Variants in PRAME observed in about 807,000 individuals in gnomAD.
The protein encoded by PRAME is PRAME nuclear receptor transcriptional regulator, also known as melanoma antigen preferentially expressed in tumors.
In PRAME, 21 loss-of-function variants were observed where a neutral mutation model predicts 32.1. That is an observed-to-expected ratio of 0.65 (90% CI 0.46 to 0.94). PRAME has a LOEUF of 0.94. Ranked by LOEUF, PRAME falls within the 40% of genes least tolerant of loss-of-function variation. The pLI is 0.00. For missense variants in PRAME, 651 were observed against 622.3 expected, an observed-to-expected ratio of 1.05 and a Z score of -0.49; for synonymous variants, 274 against 251.5, an observed-to-expected ratio of 1.09 and a Z score of -0.85.
chr22:22,552,290 C>G (rs187466746), intron 3 of PRAME, among the ~76,000 whole-genome samples: 1,853 of 149,562 alleles, frequency 0.012, 19 homozygotes, highest in Non-Finnish European at 0.018. Context: ...TAAAAAAAAG[C>G]CTAACTAGTA....
chr22:22,548,506 A>C lies in PRAME; in HGVS notation c.1091T>G (p.Val364Gly). The C allele has an allele frequency of 6.2e-7, 1 of 1,613,750 alleles. No individual in the cohort carries two copies. The highest frequency in any genetic ancestry group is 1.1e-5 in the South Asian group (1 of 91,070). ...CAGAGCTTGGAGGGGCTCGGGACTTACATCGGTCAGCATGACCCCACTTAG... is the reference window on the plus strand; with the variant it reads ...CAGAGCTTGGAGGGGCTCGGGACTTCCATCGGTCAGCATGACCCCACTTAG... The part of the protein sequence containing the change: ...LSLSGVMLTD[V>G]SPEPLQALLE... Residue 364 changes from valine to glycine, a missense_variant, in exon 6 of 6, where the codon GTA becomes GGA. Coordinates refer to ENST00000405655, the MANE Select transcript of PRAME (RefSeq NM_206956.3).
chr22:22,556,416 T>G (rs1438427411), intron 3 of PRAME, among the ~76,000 whole-genome samples: 1 of 151,800 alleles, frequency 6.6e-6, no homozygotes, highest in Non-Finnish European at 1.5e-5. Context: ...GTTCAAGCGA[T>G]TCTCCTGCCT....
chr22:22,556,395 T>A (rs368394719), intron 3 of PRAME, among the ~76,000 whole-genome samples: 4 of 147,786 alleles, frequency 2.7e-5, no homozygotes, highest in Non-Finnish European at 4.5e-5. Context: ...ACTGCAACCT[T>A]CGCCTCCTGG....
At chr22:22,557,072 C>T in intron 2 of PRAME, 163 bp from the exon 3 acceptor site, 1 of 588,664 alleles carries the variant, frequency 1.7e-6, no homozygotes, top group South Asian at 2.0e-5. Flanking sequence ...AACCTGAGCA[C>T]CAGTGTTTCC....
intron 4 of PRAME, 25 bp downstream of exon 4, chr22:22,550,742 C>A (rs780319455): frequency 6.5e-7 from 1 of 1,550,136 alleles, no homozygotes; most frequent in African/African-American, 1.4e-5. Flanking sequence ...CAGGGCCCCA[C>A]ACCAAGCTGC....
Position 22,554,146 on chromosome 22 carries a change from AT to A in PRAME, c.21+2665del, listed in dbSNP as rs1021321110. 2.3e-5 allele frequency: 23 copies of A among 985,014 alleles called. No homozygotes were observed. In the African/African-American group the frequency reaches 3.3e-4, roughly 14 times the overall value. 61.0% of individuals were successfully genotyped at this position (985,014 alleles called of 1,614,324 possible). A position where few individuals can be genotyped will look rare whatever the true frequency, so the allele number is the denominator to read the frequency against. ...GCATTTAAGGATCTGCTTAGGGATGATTCCTATCCTGGGCCTGATCACCCAC... is the reference window on the plus strand; with the variant it reads ...GCATTTAAGGATCTGCTTAGGGATGATCCTATCCTGGGCCTGATCACCCAC... On this transcript the variant is annotated intron_variant, in intron 3 of 5. Transcript: ENST00000405655.
chr22:22,548,263 AGGG>A lies in PRAME; in HGVS notation c.1331_1333del (p.Pro444del). The A allele has an allele frequency of 6.2e-7, 1 of 1,613,788 alleles. No homozygotes were observed. The highest frequency in any genetic ancestry group is 1.3e-5 in the African/African-American group (1 of 74,974). ...ACCATGGATGTCCTCATAACTCTCC[AGGG>A]GGACAGGATACAGCACGTGGGTCAG... On this transcript the variant is annotated inframe_deletion, in exon 6 of 6. Coordinates refer to ENST00000405655, the MANE Select transcript of PRAME (RefSeq NM_206956.3).
At chr22:22,549,575 T>C (rs2062445563) in intron 5 of PRAME, 151 bp downstream of exon 5, 4 of 1,024,540 alleles carry the variant, frequency 3.9e-6, no homozygotes, top group South Asian at 1.8e-5. Flanking sequence ...GATACCATGC[T>C]TGGGGACAGT....
intron 3 of PRAME, chr22:22,552,991 C>A (rs1180296207): frequency 4.3e-6 from 2 of 467,702 alleles, no homozygotes; most frequent in East Asian, 1.4e-4. Context: ...ATTCCTGGAT[C>A]TCCAGCCAGT....
intron 3 of PRAME, chr22:22,553,835 C>T (rs1167717204): frequency 2.0e-6 from 2 of 985,094 alleles, no homozygotes; most frequent in African/African-American, 3.5e-5. Context: ...AAGACCTTCT[C>T]TTTATGGTTA....
Position 22,549,929 on chromosome 22 carries a change from CG to C in PRAME, c.749del (p.Ala250GlyfsTer10). The C allele has an allele frequency of 6.2e-7, 1 of 1,613,810 alleles. No homozygotes were observed. Among genetic ancestry groups the C allele is most frequent in the Non-Finnish European group, 8.5e-7 (1 of 1,179,966 alleles). ...VTCTWKLPTL[A>X]KFSPYLGQMI... is the part of the protein sequence containing the mutation. ...TCTGGCCCAGGTAAGGAGAAAATTT[CG>C]CCAAGGTGGGTAGCTTCCAGGTACA... On this transcript the variant is annotated frameshift_variant, in exon 5 of 6. Transcript: ENST00000405655. LOFTEE classifies it high-confidence loss of function.
rs1033264460 is a variant in PRAME, at chr22:22,552,025, G to A, written c.22-936C>T. Among the ~76,000 whole-genome samples the A allele has an allele frequency of 6.0e-5, 9 of 150,162 alleles. No homozygotes were observed. In the Admixed American group the frequency reaches 6.0e-4, roughly 10 times the overall value. Reference sequence around the variant, plus strand: ...CCCTCCAGCACAGTGGCTCATGTCTGTAATCCCAGCATTTTGGGAGGCCAG... The same window carrying A: ...CCCTCCAGCACAGTGGCTCATGTCTATAATCCCAGCATTTTGGGAGGCCAG... On this transcript the variant is annotated intron_variant, in intron 3 of 5. Transcript: ENST00000405655.
chr22:22,550,634 G>A, intron 4 of PRAME, 133 bp downstream of exon 4: 2 of 1,069,352 alleles, frequency 1.9e-6, no homozygotes, highest in Admixed American at 4.8e-5. Flanking sequence ...GTAGCCCCAA[G>A]GCCTCCCTGA....
intron 3 of PRAME, chr22:22,554,040 T>G: frequency 6.1e-6 from 6 of 985,210 alleles, no homozygotes; most frequent in Non-Finnish European, 7.2e-6. Context: ...GCCTATCAAT[T>G]AGACTCAGTT....
chr22:22,548,195 T>C lies in PRAME; in HGVS notation c.1402A>G (p.Arg468Gly), dbSNP rs2062353378. 4 of 1,613,814 alleles carry C rather than the reference T, an allele frequency of 2.5e-6. No homozygotes were observed. Among genetic ancestry groups the C allele is most frequent in the Non-Finnish European group, 2.5e-6 (3 of 1,179,940 alleles). Residue 468 changes from arginine (R) to glycine (G), a missense_variant, in exon 6 of 6, where the codon AGG becomes GGG. Coordinates refer to ENST00000405655, the MANE Select transcript of PRAME (RefSeq NM_206956.3). The part of the protein sequence containing the change: ...ERLAYLHARL[R>G]ELLCELGRPS... ...CGCCCCAACTCACACAGCAACTCCC[T>C]GAGCCTGGCATGCAGATAGGCAAGC...
intron 3 of PRAME, among the ~76,000 whole-genome samples, chr22:22,551,380 G>A (rs913817583): frequency 1.3e-5 from 2 of 151,886 alleles, no homozygotes; most frequent in Non-Finnish European, 2.9e-5. Context: ...CCTGGGAAGT[G>A]AGAACTAAGG....
In PRAME at chr22:22,558,509, G is replaced by A. The variant is rs1174237384; in HGVS notation, c.-114+462C>T. On this transcript the variant is annotated intron_variant, in intron 1 of 5. Transcript: ENST00000405655. The stretch of plus-strand genomic sequence containing the variant: ...AAAAACAAAGGGTTGGGGAGGGGGA[G>A]GGAAAAGAGGCAGAGAGTGGGGGAG... 2.1e-3 allele frequency among the ~76,000 whole-genome samples: 205 copies of A among 95,850 alleles called. 4 individuals are homozygous for A. Among genetic ancestry groups the A allele is most frequent in the African/African-American group, 8.0e-3 (192 of 24,142 alleles). 62.9% of individuals were successfully genotyped at this position (95,850 alleles called of 152,430 possible).
intron 3 of PRAME, among the ~76,000 whole-genome samples, chr22:22,555,533 C>A (rs1344928598): frequency 2.0e-5 from 3 of 151,818 alleles, no homozygotes; most frequent in Non-Finnish European, 4.4e-5. Flanking sequence ...CCACCATGCC[C>A]AGCCTCTTTT....
rs376799410 is a variant in PRAME, at chr22:22,548,168, G to T, written c.1429C>A (p.Pro477Thr). Residue 477 changes from proline to threonine, a missense_variant, in exon 6 of 6, where the codon CCC (proline) becomes ACC (threonine). Transcript: ENST00000405655. ...LRELLCELGR[P>T]SMVWLSANPC... Reference sequence around the variant, plus strand: ...TTGGCACTAAGCCAGACCATGCTGGGCCGCCCCAACTCACACAGCAACTCC... The same window carrying T: ...TTGGCACTAAGCCAGACCATGCTGGTCCGCCCCAACTCACACAGCAACTCC... The T allele has an allele frequency of 6.2e-7, 1 of 1,613,710 alleles. No homozygotes were observed. The highest frequency in any genetic ancestry group is 1.3e-5 in the African/African-American group (1 of 74,852).
Sources: gnomAD v4.1 joint callset for allele counts (sites outside exome capture counted in the v4.1 genomes callset) on GRCh38, gnomAD v4.1.1 for gene constraint, MANE v1.5 for transcripts, NCBI Gene and HGNC (gene_info 2026-07-23, HGNC 2026-07-21) for gene names.